The following PDE3A variants were observed in gnomAD, a reference collection of about 807,000 sequenced individuals.
The protein encoded by PDE3A is phosphodiesterase 3A.
Under a neutral mutation model 98.3 loss-of-function variants are expected in PDE3A, and 43 were observed. That is an observed-to-expected ratio of 0.44 (90% CI 0.34 to 0.56). The LOEUF (loss-of-function observed/expected upper bound fraction) is 0.56. Ranked by LOEUF, PDE3A falls within the 20% of genes least tolerant of loss-of-function variation. The pLI is 0.01. For synonymous variants in PDE3A, 663 were observed against 567.9 expected, an observed-to-expected ratio of 1.17 and a Z score of -2.38; for missense variants, 1,427 against 1,440.7, an observed-to-expected ratio of 0.99 and a Z score of 0.15.
intron 1 of PDE3A, among the ~76,000 whole-genome samples, chr12:20,487,466 C>G (rs931168032): frequency 1.5e-5 from 2 of 134,746 alleles, no homozygotes; most frequent in African/African-American, 5.7e-5. Flanking sequence ...GAGTTTGAGA[C>G]CAGCCTGGTC....
At chr12:20,671,259 C>G (rs1225392764) in intron 15 of PDE3A, among the ~76,000 whole-genome samples, 1 of 149,934 alleles carries the variant, frequency 6.7e-6, no homozygotes, top group Non-Finnish European at 1.5e-5. Flanking sequence ...CAGCTGAATT[C>G]TACCAGAGGT....
At chr12:20,573,989 A>C (rs1268967551) in intron 2 of PDE3A, among the ~76,000 whole-genome samples, 1 of 152,118 alleles carries the variant, frequency 6.6e-6, no homozygotes, top group Non-Finnish European at 1.5e-5. Flanking sequence ...TCTGCTTCTA[A>C]GCCTGCCTTA....
intron 2 of PDE3A, among the ~76,000 whole-genome samples, chr12:20,576,566 T>C (rs1298523773): frequency 6.6e-6 from 1 of 152,124 alleles, no homozygotes; most frequent in Non-Finnish European, 1.5e-5. Context: ...GCCTTGGTCT[T>C]ACATGATGTG....
intron 1 of PDE3A, among the ~76,000 whole-genome samples, chr12:20,405,498 G>A (rs1010671972): frequency 2.0e-5 from 3 of 151,950 alleles, no homozygotes; most frequent in Non-Finnish European, 4.4e-5. Context: ...CTCACACCTG[G>A]CACCTCACAG....
intron 1 of PDE3A, among the ~76,000 whole-genome samples, chr12:20,514,482 C>A (rs1477183975): frequency 6.6e-6 from 1 of 152,220 alleles, no homozygotes; most frequent in South Asian, 2.1e-4. Context: ...TATGCAATGG[C>A]AGTAACGTTA....
Position 20,613,517 on chromosome 12 carries a change from A to G in PDE3A, c.1086A>G (p.Ala362=), listed in dbSNP as rs1943920158. Residue 362 remains alanine, a synonymous_variant, in exon 3 of 16, where the codon GCA becomes GCG. Transcript: ENST00000359062. ...EAHGLITDLL[A]DPSLPPNVCT... ...ACGGCCTCATTACCGACCTCCTGGC[A>G]GACCCTTCTCTTCCACCAAACGTGT... The G allele has an allele frequency of 1.2e-6, 2 of 1,614,090 alleles. No homozygotes were observed. The highest frequency in any genetic ancestry group is 8.5e-7 in the Non-Finnish European group (1 of 1,179,950).
intron 2 of PDE3A, among the ~76,000 whole-genome samples, chr12:20,590,453 T>C (rs1216483179): frequency 1.3e-5 from 2 of 149,872 alleles, no homozygotes; most frequent in African/African-American, 4.9e-5. Context: ...CATCCAAGAA[T>C]AGTCTGGAGG....
In PDE3A at chr12:20,687,074, TG is replaced by T. The variant is rs113011065; in HGVS notation, c.*6804del. Reference sequence around the variant, plus strand: ...TGAAAACTGCTACTTGAATAACTTTTGAAGAGAAAGATTTTCTTTCCGGTAA... The same window carrying T: ...TGAAAACTGCTACTTGAATAACTTTTAAGAGAAAGATTTTCTTTCCGGTAA... On this transcript the variant is annotated 3_prime_UTR_variant, in exon 16 of 16. Coordinates refer to ENST00000359062, the MANE Select transcript of PDE3A (RefSeq NM_000921.5). Among the ~76,000 whole-genome samples the T allele has an allele frequency of 6.6e-6, 1 of 152,252 alleles. No homozygotes were observed. Among genetic ancestry groups the T allele is most frequent in the African/African-American group, 2.4e-5 (1 of 41,568 alleles).
At chr12:20,640,604 G>A (rs1034675601) in intron 10 of PDE3A, among the ~76,000 whole-genome samples, 1 of 152,114 alleles carries the variant, frequency 6.6e-6, no homozygotes, top group African/African-American at 2.4e-5. Flanking sequence ...AAGTATTCAA[G>A]CTTTGAGTCT....
intron 15 of PDE3A, among the ~76,000 whole-genome samples, chr12:20,667,939 G>A (rs1215187551): frequency 6.6e-6 from 1 of 152,138 alleles, no homozygotes; most frequent in East Asian, 1.9e-4. Context: ...TGAGGTACCG[G>A]GTTCATCTCT....
intron 1 of PDE3A, among the ~76,000 whole-genome samples, chr12:20,546,354 G>C (rs540396497): frequency 6.7e-6 from 1 of 148,878 alleles, no homozygotes; most frequent in African/African-American, 2.5e-5. Context: ...TTAATAAGAA[G>C]AGACCCAGGA....
intron 4 of PDE3A, among the ~76,000 whole-genome samples, chr12:20,620,436 C>G (rs141278160): frequency 6.6e-6 from 1 of 152,032 alleles, no homozygotes; most frequent in Non-Finnish European, 1.5e-5. Context: ...ACACAACTTT[C>G]GAAATTCCCT....
chr12:20,644,069 A>T (rs73082615), intron 10 of PDE3A, among the ~76,000 whole-genome samples: 1,992 of 151,794 alleles, frequency 0.013, 17 homozygotes, highest in Middle Eastern at 0.031. Flanking sequence ...AATAGTAACT[A>T]CTGGCATATA....
intron 1 of PDE3A, among the ~76,000 whole-genome samples, chr12:20,457,620 G>T (rs1487713335): frequency 6.6e-6 from 1 of 151,036 alleles, no homozygotes; most frequent in Admixed American, 6.7e-5. Context: ...ATTTTCTTAA[G>T]TTTCAATGCA....
intron 15 of PDE3A, among the ~76,000 whole-genome samples, chr12:20,671,548 C>T (rs9705851): frequency 0.49 from 70,191 of 142,518 alleles, 17,234 homozygotes; most frequent in East Asian, 0.71. Context: ...GTTCAATATA[C>T]GCAAATCAAT....
At chr12:20,676,284 T>G (rs960395874) in intron 15 of PDE3A, among the ~76,000 whole-genome samples, 1 of 152,122 alleles carries the variant, frequency 6.6e-6, no homozygotes, top group African/African-American at 2.4e-5. Context: ...TCTCTGAGCT[T>G]TGCTTCTGTG....
At chr12:20,486,741 C>T (rs1320063728) in intron 1 of PDE3A, among the ~76,000 whole-genome samples, 1 of 152,210 alleles carries the variant, frequency 6.6e-6, no homozygotes, top group Admixed American at 6.5e-5. Context: ...TCAAGCAATT[C>T]TCATGCGTCA....
chr12:20,618,786 G>A (rs191280969), intron 4 of PDE3A, among the ~76,000 whole-genome samples: 2 of 152,182 alleles, frequency 1.3e-5, no homozygotes, highest in Admixed American at 1.3e-4. Context: ...ATGATTCCAA[G>A]TTGACCTTGG....
chr12:20,658,519 G>C (rs1299853296), intron 15 of PDE3A, among the ~76,000 whole-genome samples: 1 of 152,224 alleles, frequency 6.6e-6, no homozygotes, highest in Non-Finnish European at 1.5e-5. Context: ...TGTAATAGGG[G>C]AGACAGATTG....
Sources: allele counts gnomAD v4.1 joint callset (sites outside exome capture counted in the v4.1 genomes callset), GRCh38; gene constraint gnomAD v4.1.1; transcripts MANE v1.5; gene names NCBI Gene and HGNC (gene_info 2026-07-23, HGNC 2026-07-21).